The following NOL10 variants were observed in gnomAD, a reference collection of about 807,000 sequenced individuals.
NOL10 encodes the protein H_NH0074G24.1.
In NOL10, 58 loss-of-function variants were observed where a neutral mutation model predicts 103.5. The ratio of observed to expected loss-of-function variants is 0.56; its 90% CI spans 0.45 to 0.70. NOL10 has a LOEUF of 0.70. NOL10 is among the 30% of genes least tolerant of loss of function. The probability of loss-of-function intolerance (pLI) is 0.00; values close to 1 mark genes in which losing one functional copy is unlikely to be tolerated. For missense variants in NOL10, 763 were observed against 807.3 expected, an observed-to-expected ratio of 0.95 and a Z score of 0.67; for synonymous variants, 287 against 282.5, an observed-to-expected ratio of 1.02 and a Z score of -0.16.
intron 12 of NOL10, among the ~76,000 whole-genome samples, chr2:10,645,730 C>G (rs1399252912): frequency 1.3e-5 from 2 of 151,888 alleles, no homozygotes; most frequent in African/African-American, 2.4e-5. Flanking sequence ...GGGGTTTCAC[C>G]ATGTTAGCCA....
chr2:10,673,947 TAAAGAA>T (rs1166342575), intron 4 of NOL10, among the ~76,000 whole-genome samples: 3 of 151,164 alleles, frequency 2.0e-5, no homozygotes, highest in East Asian at 3.9e-4. Flanking sequence ...GTCTACCTGA[TAAAGAA>T]AAAGAGCGAA....
chr2:10,617,182 G>T (rs1676880616), intron 13 of NOL10, among the ~76,000 whole-genome samples: 1 of 152,152 alleles, frequency 6.6e-6, no homozygotes, highest in Non-Finnish European at 1.5e-5. Context: ...GGACCCAAGG[G>T]GCAGGAGGGA....
intron 2 of NOL10, among the ~76,000 whole-genome samples, chr2:10,683,914 T>C (rs999600175): frequency 6.6e-6 from 1 of 152,058 alleles, no homozygotes; most frequent in Non-Finnish European, 1.5e-5. Context: ...GGCTAACTTA[T>C]TAGTTAATAA....
chr2:10,667,202 G>C lies in NOL10; in HGVS notation c.591+16C>G. 1 of 1,546,434 alleles carries C rather than the reference G, an allele frequency of 6.5e-7. No individual in the cohort carries two copies. On this transcript the variant is annotated intron_variant, in intron 8 of 20. Transcript: ENST00000381685. ...TAAAACAAATATTCTAAAAAATAAAGTCAACATATGCTTACCTCTATGGTT... is the reference window on the plus strand; with the variant it reads ...TAAAACAAATATTCTAAAAAATAAACTCAACATATGCTTACCTCTATGGTT...
chr2:10,574,266 C>T (rs1264553604), intron 20 of NOL10, among the ~76,000 whole-genome samples: 1 of 152,182 alleles, frequency 6.6e-6, no homozygotes, highest in Non-Finnish European at 1.5e-5. Context: ...CAAGTGATGA[C>T]ACCACCAGGA....
chr2:10,616,669 C>T (rs1314484879), intron 13 of NOL10, among the ~76,000 whole-genome samples: 1 of 152,134 alleles, frequency 6.6e-6, no homozygotes, highest in Non-Finnish European at 1.5e-5. Flanking sequence ...CCACCTCAGC[C>T]CTTCAAGTAG....
intron 17 of NOL10, chr2:10,590,715 C>T (rs566501489): frequency 6.6e-6 from 1 of 151,922 alleles, no homozygotes; most frequent in East Asian, 1.9e-4. Context: ...AGGACTGATA[C>T]TAAATTCCTT....
chr2:10,614,752 T>C (rs985371114), intron 13 of NOL10, among the ~76,000 whole-genome samples: 4 of 152,226 alleles, frequency 2.6e-5, no homozygotes, highest in Non-Finnish European at 5.9e-5. Context: ...ATAATGTATA[T>C]ACACACTATA....
At chr2:10,655,208 A>G (rs1382843608) in intron 11 of NOL10, among the ~76,000 whole-genome samples, 1 of 149,762 alleles carries the variant, frequency 6.7e-6, no homozygotes, top group Middle Eastern at 3.4e-3. Context: ...ATTCTGCCCA[A>G]AAAAAAAAAG....
At chr2:10,574,707 T>C (rs1234783270) in intron 20 of NOL10, among the ~76,000 whole-genome samples, 1 of 151,478 alleles carries the variant, frequency 6.6e-6, no homozygotes, top group Admixed American at 6.6e-5. Context: ...TAAATACAGA[T>C]AAACAAGGTG....
chr2:10,681,228 G>C lies in NOL10; in HGVS notation c.211+743C>G, dbSNP rs367643037. ...AAACAGCCTAGCTGTTCATCACATGGAGAATGGGTAAATAAACTGTGGCTT... is the reference window on the plus strand; with the variant it reads ...AAACAGCCTAGCTGTTCATCACATGCAGAATGGGTAAATAAACTGTGGCTT... On this transcript the variant is annotated intron_variant, in intron 3 of 20. Coordinates refer to ENST00000381685, the MANE Select transcript of NOL10 (RefSeq NM_024894.4). 5.3e-5 allele frequency among the ~76,000 whole-genome samples: 8 copies of C among 152,058 alleles called. No individual in the cohort carries two copies. The East Asian group carries it at 1.5e-3, about 29-fold the overall frequency.
intron 13 of NOL10, among the ~76,000 whole-genome samples, chr2:10,629,820 T>C (rs372218860): frequency 4.6e-5 from 7 of 152,372 alleles, no homozygotes; most frequent in Admixed American, 3.9e-4. Context: ...TATAGCTTTA[T>C]TTTGCTCAAC....
chr2:10,688,767 C>A (rs1187020447), intron 1 of NOL10, among the ~76,000 whole-genome samples: 2 of 152,200 alleles, frequency 1.3e-5, no homozygotes, highest in East Asian at 3.8e-4. Context: ...TGCTTGCACA[C>A]AGTAACTTCT....
intron 13 of NOL10, among the ~76,000 whole-genome samples, chr2:10,632,865 G>C (rs752218166): frequency 6.6e-6 from 1 of 152,038 alleles, no homozygotes; most frequent in Non-Finnish European, 1.5e-5. Context: ...ACAGTGTCTT[G>C]GTTATGTTGC....
intron 13 of NOL10, among the ~76,000 whole-genome samples, chr2:10,626,701 G>A (rs1396420031): frequency 5.9e-5 from 9 of 151,720 alleles, no homozygotes; most frequent in Non-Finnish European, 1.0e-4. Context: ...AGGAAATGCC[G>A]GAACCAGGAG....
chr2:10,635,860 T>C (rs1001686447), intron 13 of NOL10, among the ~76,000 whole-genome samples: 3 of 152,174 alleles, frequency 2.0e-5, no homozygotes, highest in Admixed American at 6.5e-5. Flanking sequence ...AGAGACAAAA[T>C]AGCAAAACAC....
intron 7 of NOL10, 38 bp from the exon 8 acceptor site, chr2:10,667,316 A>G: frequency 7.1e-7 from 1 of 1,403,590 alleles, no homozygotes; most frequent in South Asian, 1.2e-5. Flanking sequence ...TGAATTAGTT[A>G]GCACCTACTT....
intron 8 of NOL10, among the ~76,000 whole-genome samples, chr2:10,664,441 C>T (rs1439464246): frequency 2.6e-5 from 4 of 152,084 alleles, no homozygotes; most frequent in Non-Finnish European, 2.9e-5. Context: ...AACTGTAGTA[C>T]GTCCATTTAA....
chr2:10,624,664 A>T (rs946438137), intron 13 of NOL10, among the ~76,000 whole-genome samples: 4 of 147,176 alleles, frequency 2.7e-5, no homozygotes, highest in Non-Finnish European at 4.5e-5. Flanking sequence ...TTATGAATTT[A>T]AAAAAAAAAA....
Sources: gnomAD v4.1 joint callset for allele counts (sites outside exome capture counted in the v4.1 genomes callset) on GRCh38, gnomAD v4.1.1 for gene constraint, MANE v1.5 for transcripts, NCBI Gene and HGNC (gene_info 2026-07-23, HGNC 2026-07-21) for gene names.